Variants in RPTOR observed in about 807,000 individuals in gnomAD.
The protein encoded by RPTOR is regulatory associated protein of MTOR complex 1.
A neutral mutation model predicts 169.9 loss-of-function variants in RPTOR; 21 were observed. That is an observed-to-expected ratio of 0.12 (90% CI 0.09 to 0.18). The LOEUF (loss-of-function observed/expected upper bound fraction) is 0.18. Ranked by LOEUF, RPTOR falls within the 10% of genes least tolerant of loss-of-function variation. The pLI is 1.00. For missense variants in RPTOR, 1,133 were observed against 1,855.9 expected, an observed-to-expected ratio of 0.61 and a Z score of 7.16; for synonymous variants, 732 against 753.2, an observed-to-expected ratio of 0.97 and a Z score of 0.46.
At chr17:80,744,307 C>T (rs201243014) in intron 5 of RPTOR, among the ~76,000 whole-genome samples, 4 of 59,592 alleles carry the variant, frequency 6.7e-5, no homozygotes, top group Non-Finnish European at 1.2e-4. Flanking sequence ...ACTAGCACAG[C>T]CCTGGTTACT....
intron 6 of RPTOR, among the ~76,000 whole-genome samples, chr17:80,766,140 C>T (rs776214142): frequency 3.3e-5 from 5 of 152,128 alleles, no homozygotes; most frequent in Non-Finnish European, 5.9e-5. Context: ...ACCGTAGTCT[C>T]AACTTCTCGG....
At chr17:80,735,646 C>T (rs7503394) in intron 5 of RPTOR, among the ~76,000 whole-genome samples, 150,322 of 152,268 alleles carry the variant, frequency 0.99, 74,214 homozygotes, top group East Asian at 1. Context: ...CGAGTTTCTC[C>T]TCTTTTTAAT....
chr17:80,707,703 T>G lies in RPTOR; in HGVS notation c.349-138T>G. 1.3e-6 allele frequency: 1 copy of G among 793,804 alleles called. No individual in the cohort carries two copies. The highest frequency in any genetic ancestry group is 1.9e-6 in the Non-Finnish European group (1 of 536,066). 49.2% of individuals were successfully genotyped at this position (793,804 alleles called of 1,614,324 possible). A position where few individuals can be genotyped will look rare whatever the true frequency, so the allele number is the denominator to read the frequency against. ...CAGGGTGCCTGGCATTACCTGGTTT[T>G]ATAGATGGAGAAACTCAGAGCCATG... On this transcript the variant is annotated intron_variant, in intron 3 of 33. Coordinates refer to ENST00000306801, the MANE Select transcript of RPTOR (RefSeq NM_020761.3). This position sits in a 1 kb window ranked among gnomAD's most constrained non-coding sequence, Gnocchi z 5.0.
At chr17:80,672,046 TAAAG>T (rs1431023711) in intron 3 of RPTOR, among the ~76,000 whole-genome samples, 1 of 152,208 alleles carries the variant, frequency 6.6e-6, no homozygotes, top group Non-Finnish European at 1.5e-5. Context: ...ATCTTTATTT[TAAAG>T]AAAGGGCTAA....
At chr17:80,930,513 T>TCA (rs1208594499) in intron 24 of RPTOR, among the ~76,000 whole-genome samples, 140 of 26,284 alleles carry the variant, frequency 5.3e-3, no homozygotes, top group African/African-American at 0.011. Flanking sequence ...TCAGCTCATC[T>TCA]TCAGCTTATC....
At chr17:80,584,221 G>A (rs1047841732) in intron 1 of RPTOR, among the ~76,000 whole-genome samples, 1 of 152,076 alleles carries the variant, frequency 6.6e-6, no homozygotes, top group Non-Finnish European at 1.5e-5. Context: ...ACTTTGATGG[G>A]GTTTTTAGTT....
At chr17:80,744,261 A>G (rs1336962790) in intron 5 of RPTOR, among the ~76,000 whole-genome samples, 2 of 110,938 alleles carry the variant, frequency 1.8e-5, no homozygotes, top group Middle Eastern at 4.7e-3. Context: ...TGTCCTGGCT[A>G]CTAGCACAGC....
At chr17:80,606,112 C>T (rs543124483) in intron 1 of RPTOR, among the ~76,000 whole-genome samples, 53 of 152,102 alleles carry the variant, frequency 3.5e-4, no homozygotes, top group Non-Finnish European at 6.6e-4. Flanking sequence ...CCCGGGTTCA[C>T]GCCGTTCTCC....
At chr17:80,896,469 C>T (rs764877545) in intron 20 of RPTOR, among the ~76,000 whole-genome samples, 2,807 of 22,486 alleles carry the variant, frequency 0.12, 425 homozygotes, top group Admixed American at 0.22. Context: ...ACGGCCGCAC[C>T]GACACATCCC....
Position 80,620,116 on chromosome 17 carries a change from A to G in RPTOR, c.163-5575A>G, listed in dbSNP as rs555661352. On this transcript the variant is annotated intron_variant, in intron 1 of 33. Coordinates refer to ENST00000306801, the MANE Select transcript of RPTOR (RefSeq NM_020761.3). ...ACCCCCTCACTTTAAGGATGAGGAA[A>G]CTGTTCAGGAGGGATTGAAATTTAC... Among the ~76,000 whole-genome samples, 16 of 152,284 alleles carry G rather than the reference A, an allele frequency of 1.1e-4. No individual in the cohort carries two copies. The South Asian group carries it at 3.1e-3, about 30-fold the overall frequency.
rs115277152 is a variant in RPTOR, at chr17:80,773,427, C to T, written c.831-18023C>T. Reference sequence around the variant, plus strand: ...TTCTAGGGGTGCCTGGGAAGACAGTCGTTTAAAATGTCTCTGCTTTTTATA... The same window carrying T: ...TTCTAGGGGTGCCTGGGAAGACAGTTGTTTAAAATGTCTCTGCTTTTTATA... On this transcript the variant is annotated intron_variant, in intron 6 of 33. Coordinates refer to ENST00000306801, the MANE Select transcript of RPTOR (RefSeq NM_020761.3). 6.4e-3 allele frequency among the ~76,000 whole-genome samples: 970 copies of T among 152,348 alleles called. 9 individuals are homozygous for T. Among genetic ancestry groups the T allele is most frequent in the African/African-American group, 0.021 (886 of 41,580 alleles).
rs1402017681 is a variant in RPTOR at position 80,803,917 on chromosome 17, G to A, written c.890+12408G>A. ...GGGAGCAGCCATGCCGGGACCAGGGGCAGCGTTCCAGACGGGGAGCCCCAC... is the reference window on the plus strand; with the variant it reads ...GGGAGCAGCCATGCCGGGACCAGGGACAGCGTTCCAGACGGGGAGCCCCAC... On this transcript the variant is annotated intron_variant, in intron 7 of 33. Coordinates refer to ENST00000306801, the MANE Select transcript of RPTOR (RefSeq NM_020761.3). This position sits in a 1 kb window ranked among gnomAD's most constrained non-coding sequence, Gnocchi z 6.2. 6.6e-6 allele frequency among the ~76,000 whole-genome samples: 1 copy of A among 152,220 alleles called. No individual in the cohort carries two copies. The highest frequency in any genetic ancestry group is 1.5e-5 in the Non-Finnish European group (1 of 68,040).
rs561613436 is a variant in RPTOR at position 80,860,668 on chromosome 17, G to T, written c.1509+2768G>T. Among the ~76,000 whole-genome samples, 2 of 152,192 alleles carry T rather than the reference G, an allele frequency of 1.3e-5. No individual in the cohort carries two copies. Among genetic ancestry groups the T allele is most frequent in the East Asian group, 3.9e-4 (2 of 5,166 alleles). ...CGTACCCAGCACCAGTTGACCTCTC[G>T]CTGGTTCCGCTGATTCTTGTAGATT... On this transcript the variant is annotated intron_variant, in intron 13 of 33. Transcript: ENST00000306801. The surrounding 1 kb of genome is among the most constrained non-coding windows in gnomAD (Gnocchi z 5.8).
chr17:80,893,125 G>A (rs773254923), intron 19 of RPTOR, among the ~76,000 whole-genome samples: 2 of 152,266 alleles, frequency 1.3e-5, no homozygotes. Context: ...AGTTGAGGCG[G>A]TGGCTCCTTG....
At chr17:80,639,679 T>A (rs2065536887) in intron 2 of RPTOR, among the ~76,000 whole-genome samples, 1 of 152,194 alleles carries the variant, frequency 6.6e-6, no homozygotes, top group African/African-American at 2.4e-5. Flanking sequence ...TGTCTGTGCC[T>A]GGGGCACCAC....
chr17:80,675,018 C>T (rs1031226483), intron 3 of RPTOR, among the ~76,000 whole-genome samples: 6 of 152,162 alleles, frequency 3.9e-5, no homozygotes, highest in African/African-American at 9.7e-5. Flanking sequence ...GCAGGAGACA[C>T]GCTGTGAGAA....
At chr17:80,812,301 T>G (rs1357492779) in intron 7 of RPTOR, among the ~76,000 whole-genome samples, 1 of 152,240 alleles carries the variant, frequency 6.6e-6, no homozygotes, top group Non-Finnish European at 1.5e-5. Flanking sequence ...GCTGCTTTTC[T>G]TGGTTTCAAA....
At chr17:80,840,607 C>T (rs1268480438) in intron 10 of RPTOR, among the ~76,000 whole-genome samples, 2 of 48,312 alleles carry the variant, frequency 4.1e-5, no homozygotes, top group African/African-American at 4.5e-5. Flanking sequence ...CGGCAGCTCA[C>T]TCTCACCACA....
intron 21 of RPTOR, among the ~76,000 whole-genome samples, chr17:80,914,985 CT>C (rs1439349769): frequency 6.6e-6 from 1 of 152,238 alleles, no homozygotes; most frequent in Non-Finnish European, 1.5e-5. Context: ...CACATACTTC[CT>C]CCCCTTTGAA....
Sources: allele counts gnomAD v4.1 joint callset (sites outside exome capture counted in the v4.1 genomes callset), GRCh38; gene constraint gnomAD v4.1.1; non-coding constraint Gnocchi (gnomAD v3.1); transcripts MANE v1.5; gene names NCBI Gene and HGNC (gene_info 2026-07-23, HGNC 2026-07-21).